MTMR7: variants seen among roughly 807,000 people sequenced by gnomAD.
MTMR7 encodes the protein phosphatidylinositol-3-phosphate phosphatase MTMR7.
In MTMR7, 76 loss-of-function variants were observed where a neutral mutation model predicts 81.2. The ratio of observed to expected loss-of-function variants is 0.94; its 90% confidence interval spans 0.78 to 1.13. The LOEUF (loss-of-function observed/expected upper bound fraction) is 1.13, where lower values mean the gene tolerates loss of function less well. Among genes scored for constraint, MTMR7 ranks in the 50% most tolerant of loss-of-function variants. The probability of loss-of-function intolerance (pLI) is 0.00; values close to 1 mark genes in which losing one functional copy is unlikely to be tolerated. For synonymous variants in MTMR7, 372 were observed against 289.8 expected, an observed-to-expected ratio of 1.28 and a Z score of -2.88; for missense variants, 1,044 against 820.0, an observed-to-expected ratio of 1.27 and a Z score of -3.34.
At chr8:17,398,445 A>C (rs1458591637) in intron 1 of MTMR7, among the ~76,000 whole-genome samples, 1 of 152,172 alleles carries the variant, frequency 6.6e-6, no homozygotes, top group Non-Finnish European at 1.5e-5. Flanking sequence ...AGCAGAATTG[A>C]CCAAGTAGAA....
intron 4 of MTMR7, among the ~76,000 whole-genome samples, chr8:17,350,061 G>A (rs1458068289): frequency 1.3e-5 from 2 of 152,216 alleles, no homozygotes; most frequent in African/African-American, 4.8e-5. Flanking sequence ...GGTAGCAACA[G>A]TGATAGCAGT....
chr8:17,369,446 C>A (rs1820338584), intron 3 of MTMR7, among the ~76,000 whole-genome samples: 1 of 151,874 alleles, frequency 6.6e-6, no homozygotes, highest in East Asian at 1.9e-4. Flanking sequence ...AACTTAGGAT[C>A]CAACCAAATG....
chr8:17,325,410 C>A (rs182959654), intron 7 of MTMR7, among the ~76,000 whole-genome samples: 3 of 152,212 alleles, frequency 2.0e-5, no homozygotes, highest in African/African-American at 7.2e-5. Context: ...ATCTCTAGGG[C>A]CACCTGACTT....
At chr8:17,398,333 G>C (rs1485606947) in intron 1 of MTMR7, among the ~76,000 whole-genome samples, 3 of 152,138 alleles carry the variant, frequency 2.0e-5, no homozygotes, top group African/African-American at 7.2e-5. Context: ...TCTACCAGAT[G>C]AATTTAACAA....
At chr8:17,373,420 T>C (rs1007875431) in intron 1 of MTMR7, among the ~76,000 whole-genome samples, 180 bp from the exon 2 acceptor site, 17 of 152,192 alleles carry the variant, frequency 1.1e-4, no homozygotes, top group African/African-American at 4.1e-4. Context: ...ATTGTGTATA[T>C]TAAAAGATGA....
At chr8:17,370,327 C>G (rs1820379048) in intron 3 of MTMR7, among the ~76,000 whole-genome samples, 1 of 151,902 alleles carries the variant, frequency 6.6e-6, no homozygotes, top group Non-Finnish European at 1.5e-5. Context: ...TCAAGACCAG[C>G]CTGGCCAACA....
At chr8:17,395,168 T>C (rs891941946) in intron 1 of MTMR7, among the ~76,000 whole-genome samples, 2 of 152,202 alleles carry the variant, frequency 1.3e-5, no homozygotes, top group Non-Finnish European at 2.9e-5. Context: ...TCATACATTA[T>C]CTGTCCTTTT....
chr8:17,299,825 T>G lies in MTMR7; in HGVS notation c.*37A>C, dbSNP rs1455722615. On this transcript the variant is annotated 3_prime_UTR_variant, in exon 14 of 14. Transcript: ENST00000180173. The stretch of plus-strand genomic sequence containing the variant: ...GTTCCCTTGTTTTTGGAAGTGTTGC[T>G]TATGTGTCCTTTACTTTGGAACTCC... 7 of 1,605,996 alleles carry G rather than the reference T, an allele frequency of 4.4e-6. No homozygotes were observed. The highest frequency in any genetic ancestry group is 5.1e-6 in the Non-Finnish European group (6 of 1,174,942).
intron 5 of MTMR7, chr8:17,345,937 A>C (rs984300273): frequency 6.6e-6 from 1 of 152,238 alleles, no homozygotes; most frequent in African/African-American, 2.4e-5. Flanking sequence ...GGGTAGGAAT[A>C]CATACTCTTT....
At chr8:17,352,712 C>CA (rs1819765008) in intron 4 of MTMR7, among the ~76,000 whole-genome samples, 2 of 152,118 alleles carry the variant, frequency 1.3e-5, no homozygotes, top group African/African-American at 4.8e-5. Flanking sequence ...TTAGGGAAAT[C>CA]AAAATCAAAA....
chr8:17,390,364 T>C (rs900189752), intron 1 of MTMR7, among the ~76,000 whole-genome samples: 8 of 152,030 alleles, frequency 5.3e-5, no homozygotes, highest in African/African-American at 1.9e-4. Flanking sequence ...AAGAACTCAC[T>C]ATCACAAGAG....
chr8:17,349,137 T>G (rs922007573), intron 4 of MTMR7, 56 bp from the exon 5 acceptor site: 26 of 1,581,634 alleles, frequency 1.6e-5, no homozygotes, highest in Non-Finnish European at 2.2e-5. Context: ...CCCTGCGAAC[T>G]GCCCCCAGAA....
intron 12 of MTMR7, chr8:17,302,521 C>G (rs571906802): frequency 2.6e-6 from 1 of 383,050 alleles, no homozygotes; most frequent in Non-Finnish European, 4.6e-6. Context: ...TGAATTAGCA[C>G]AGAATACATT....
chr8:17,345,920 T>A (rs952481155), intron 5 of MTMR7: 2 of 152,218 alleles, frequency 1.3e-5, no homozygotes, highest in African/African-American at 4.8e-5. Context: ...AAGCATAAAT[T>A]CTTTGGGGGT....
chr8:17,390,008 C>T (rs1449638779), intron 1 of MTMR7, among the ~76,000 whole-genome samples: 1 of 150,980 alleles, frequency 6.6e-6, no homozygotes, highest in Non-Finnish European at 1.5e-5. Context: ...AAGATAAAGT[C>T]ACTGCTCACA....
Position 17,299,602 on chromosome 8 carries a change from G to T in MTMR7, c.*260C>A. 1 of 458,764 alleles carries T rather than the reference G, an allele frequency of 2.2e-6. No individual in the cohort carries two copies. Among genetic ancestry groups the T allele is most frequent in the Non-Finnish European group, 3.9e-6 (1 of 253,814 alleles). 28.4% of individuals were successfully genotyped at this position (458,764 alleles called of 1,614,324 possible). ...AGGTAATGACAGAAGTAATTGCTCTGCAGTGAATATAATTTTCATAGTCTA... is the reference window on the plus strand; with the variant it reads ...AGGTAATGACAGAAGTAATTGCTCTTCAGTGAATATAATTTTCATAGTCTA... On this transcript the variant is annotated 3_prime_UTR_variant, in exon 14 of 14. Coordinates refer to ENST00000180173, the MANE Select transcript of MTMR7 (RefSeq NM_004686.5).
At chr8:17,312,468 G>A (rs765874100) in intron 8 of MTMR7, among the ~76,000 whole-genome samples, 2 of 151,058 alleles carry the variant, frequency 1.3e-5, no homozygotes, top group Admixed American at 1.3e-4. Context: ...CCAGCTACTT[G>A]GGAGGCTGAG....
At chr8:17,326,297 T>A (rs1818674047) in intron 7 of MTMR7, 2 of 152,162 alleles carry the variant, frequency 1.3e-5, no homozygotes, top group Admixed American at 6.5e-5. Flanking sequence ...ATCCGTAAAA[T>A]GAAGATAAGA....
intron 1 of MTMR7, among the ~76,000 whole-genome samples, chr8:17,401,861 C>A (rs1015442789): frequency 3.3e-5 from 5 of 152,054 alleles, no homozygotes; most frequent in Admixed American, 1.3e-4. Context: ...ATTAGATATA[C>A]AAATTATTTT....
Sources: gnomAD v4.1 joint callset for allele counts (sites outside exome capture counted in the v4.1 genomes callset) on GRCh38, gnomAD v4.1.1 for gene constraint, MANE v1.5 for transcripts, NCBI Gene and HGNC (gene_info 2026-07-23, HGNC 2026-07-21) for gene names.